PARD3: variants seen among roughly 807,000 people sequenced by gnomAD.
PARD3 encodes the protein partitioning defective 3 homolog.
In PARD3, 75 loss-of-function variants were observed where a neutral mutation model predicts 155.4. That is an observed-to-expected ratio of 0.48 (90% CI 0.40 to 0.58). PARD3 has a LOEUF of 0.58. Among genes scored for constraint, PARD3 ranks in the 20% least tolerant of loss-of-function variants. The probability of loss-of-function intolerance (pLI) is 0.00; values close to 1 mark genes in which losing one functional copy is unlikely to be tolerated. For missense variants in PARD3, 1,642 were observed against 1,721.7 expected, an observed-to-expected ratio of 0.95 and a Z score of 0.82; for synonymous variants, 576 against 610.5, an observed-to-expected ratio of 0.94 and a Z score of 0.83.
At chr10:34,221,841 CA>C (rs1160143851) in intron 22 of PARD3, among the ~76,000 whole-genome samples, 1 of 152,142 alleles carries the variant, frequency 6.6e-6, no homozygotes, top group Non-Finnish European at 1.5e-5. Context: ...TGTGTTTCAC[CA>C]TTCTATTGAC....
At position 34,194,455 on chromosome 10, in the gene PARD3, C is replaced by T. The variant is rs542420712; in HGVS notation, c.3420-62872G>A. Among the ~76,000 whole-genome samples, 5 of 152,130 alleles carry T rather than the reference C, an allele frequency of 3.3e-5. No individual in the cohort carries two copies. In the South Asian group the frequency reaches 1.0e-3, roughly 32 times the overall value. On this transcript the variant is annotated intron_variant, in intron 22 of 24. Coordinates refer to ENST00000374788, the MANE Select transcript of PARD3 (RefSeq NM_001184785.2). ...CTCCTGATGTAAAACCAAGATCGCACAGAGAAAGCAAAAAACAGATGCTGC... is the reference window on the plus strand; with the variant it reads ...CTCCTGATGTAAAACCAAGATCGCATAGAGAAAGCAAAAAACAGATGCTGC...
intron 2 of PARD3, among the ~76,000 whole-genome samples, chr10:34,650,953 G>A (rs778267965): frequency 4.1e-4 from 60 of 147,324 alleles, no homozygotes; most frequent in Middle Eastern, 3.3e-3. Flanking sequence ...AGAGGTTGTG[G>A]TGAGCCGAGA....
chr10:34,805,982 G>C (rs1349266435), intron 1 of PARD3, among the ~76,000 whole-genome samples: 1 of 148,324 alleles, frequency 6.7e-6, no homozygotes, highest in Non-Finnish European at 1.5e-5. Context: ...GTCTCAAAAA[G>C]ACAAAAAAAA....
chr10:34,815,005 G>C lies in PARD3; in HGVS notation c.-10C>G. On this transcript the variant is annotated 5_prime_UTR_variant, in exon 1 of 25. Coordinates refer to ENST00000374788, the MANE Select transcript of PARD3 (RefSeq NM_001184785.2). ...ACACGGTCACTTTCATGCCGCCGCC[G>C]CCGCGGGCGGGCCCGCGCCCCTCGC... The C allele has an allele frequency of 6.8e-7, 1 of 1,463,428 alleles. No homozygotes were observed. The highest frequency in any genetic ancestry group is 9.1e-7 in the Non-Finnish European group (1 of 1,104,322). The allele number at this position is 1,463,428 out of a possible 1,614,324, so 90.7% of individuals were successfully genotyped here.
chr10:34,592,028 A>T (rs2088747018), intron 2 of PARD3, among the ~76,000 whole-genome samples: 1 of 152,158 alleles, frequency 6.6e-6, no homozygotes, highest in African/African-American at 2.4e-5. Flanking sequence ...ACCATTCCAA[A>T]GTTCTTCACT....
At chr10:34,804,220 A>G (rs2134360791) in intron 1 of PARD3, among the ~76,000 whole-genome samples, 1 of 152,224 alleles carries the variant, frequency 6.6e-6, no homozygotes, top group East Asian at 1.9e-4. Context: ...TATTTTTAAT[A>G]GAGATGGGGT....
intron 1 of PARD3, among the ~76,000 whole-genome samples, chr10:34,717,665 T>C (rs1044000204): frequency 6.6e-6 from 1 of 152,134 alleles, no homozygotes; most frequent in African/African-American, 2.4e-5. Flanking sequence ...GAGAAGAGCG[T>C]CCACGTGGCT....
intron 22 of PARD3, among the ~76,000 whole-genome samples, chr10:34,181,843 C>T (rs56394823): frequency 0.028 from 4,258 of 152,070 alleles, 175 homozygotes; most frequent in African/African-American, 0.095. Flanking sequence ...TCTGATGCCT[C>T]CAACAAAGAC....
intron 1 of PARD3, among the ~76,000 whole-genome samples, chr10:34,719,315 A>C (rs977912335): frequency 6.6e-6 from 1 of 152,248 alleles, no homozygotes; most frequent in African/African-American, 2.4e-5. Context: ...AAGGGAAAAA[A>C]AGCATTTCAA....
Position 34,341,733 on chromosome 10 carries a change from G to C in PARD3, c.2302C>G (p.Pro768Ala). The C allele has an allele frequency of 6.2e-7, 1 of 1,613,814 alleles. No homozygotes were observed. The highest frequency in any genetic ancestry group is 8.5e-7 in the Non-Finnish European group (1 of 1,179,742). ...IEDDRLPVLP[P>A]HLSDQSSSSS... The stretch of plus-strand genomic sequence containing the variant: ...GAAGAGGACTGGTCAGAGAGATGTG[G>C]AGGAAGCACTGGCAACCTGTCATCT... Residue 768 changes from proline to alanine, a missense_variant, in exon 16 of 25, where the codon CCA (proline) becomes GCA (alanine). Physicochemically the swap from Pro to Ala is conservative, Grantham distance 27. Transcript: ENST00000374788.
intron 5 of PARD3, among the ~76,000 whole-genome samples, chr10:34,450,062 ACT>A (rs1348816996): frequency 6.6e-6 from 1 of 151,968 alleles, no homozygotes; most frequent in Non-Finnish European, 1.5e-5. Flanking sequence ...AGCATTACAA[ACT>A]CTAAAGCCCT....
chr10:34,457,499 G>A (rs2077399592), intron 4 of PARD3, among the ~76,000 whole-genome samples: 1 of 152,134 alleles, frequency 6.6e-6, no homozygotes, highest in African/African-American at 2.4e-5. Context: ...GAAGAAACAG[G>A]GATCTGGAGA....
At chr10:34,326,205 C>T (rs933092378) in intron 19 of PARD3, among the ~76,000 whole-genome samples, 1 of 151,330 alleles carries the variant, frequency 6.6e-6, no homozygotes, top group African/African-American at 2.4e-5. Context: ...ATTGCACTTT[C>T]TGCTAAGTTA....
chr10:34,607,462 T>G (rs1345279887), intron 2 of PARD3, among the ~76,000 whole-genome samples: 3 of 152,144 alleles, frequency 2.0e-5, no homozygotes, highest in Non-Finnish European at 4.4e-5. Flanking sequence ...CTTCCTGGGA[T>G]AGTGGGAGGG....
At chr10:34,159,072 A>G (rs578170790) in intron 22 of PARD3, among the ~76,000 whole-genome samples, 24 of 152,384 alleles carry the variant, frequency 1.6e-4, no homozygotes, top group African/African-American at 5.5e-4. Context: ...TTCAACTATG[A>G]AATGTATTCA....
intron 2 of PARD3, among the ~76,000 whole-genome samples, chr10:34,669,090 C>G (rs2093558776): frequency 6.6e-6 from 1 of 152,098 alleles, no homozygotes; most frequent in Non-Finnish European, 1.5e-5. Flanking sequence ...ACCATTTGAT[C>G]CAGCAATCCC....
intron 19 of PARD3, among the ~76,000 whole-genome samples, chr10:34,320,654 T>C (rs745881579): frequency 4.6e-5 from 7 of 152,224 alleles, no homozygotes; most frequent in Non-Finnish European, 8.8e-5. Context: ...TTTTCTGGTG[T>C]ATGTAACACA....
intron 1 of PARD3, among the ~76,000 whole-genome samples, chr10:34,784,688 C>T (rs755456658): frequency 6.6e-6 from 1 of 152,218 alleles, no homozygotes; most frequent in Non-Finnish European, 1.5e-5. Flanking sequence ...CCGCCCGCCT[C>T]AGCCTCCTAA....
chr10:34,269,596 C>T (rs1955511992), intron 22 of PARD3, 61 bp downstream of exon 22: 3 of 1,578,836 alleles, frequency 1.9e-6, no homozygotes, highest in African/African-American at 1.4e-5. Context: ...GTCTACTCCC[C>T]TGTCAGAAGC....
Sources: allele counts gnomAD v4.1 joint callset (sites outside exome capture counted in the v4.1 genomes callset), GRCh38; gene constraint gnomAD v4.1.1; transcripts MANE v1.5; gene names NCBI Gene and HGNC (gene_info 2026-07-23, HGNC 2026-07-21).